GPC6: variants seen among roughly 807,000 people sequenced by gnomAD.
GPC6 encodes the protein glypican 6, also known as glypican-6.
Under a neutral mutation model 55.2 loss-of-function variants are expected in GPC6, and 14 were observed. The ratio of observed to expected loss-of-function variants is 0.25; its 90% CI spans 0.17 to 0.40. GPC6 has a LOEUF of 0.40. Ranked by LOEUF, GPC6 falls within the 10% of genes least tolerant of loss-of-function variation. GPC6 has a pLI of 1.00. For synonymous variants in GPC6, 278 were observed against 259.6 expected, an observed-to-expected ratio of 1.07 and a Z score of -0.68; for missense variants, 641 against 708.5, an observed-to-expected ratio of 0.90 and a Z score of 1.08.
At chr13:93,529,642 C>T (rs149960149) in intron 1 of GPC6, among the ~76,000 whole-genome samples, 1 of 151,142 alleles carries the variant, frequency 6.6e-6, no homozygotes, top group Non-Finnish European at 1.5e-5. Flanking sequence ...TCAGCCTCCC[C>T]AGTAGCTGGG....
At chr13:93,879,127 G>T (rs547011165) in intron 3 of GPC6, among the ~76,000 whole-genome samples, 1 of 151,968 alleles carries the variant, frequency 6.6e-6, no homozygotes, top group African/African-American at 2.4e-5. Context: ...TGATCGCATC[G>T]GCTCCTGAGG....
Position 93,687,773 on chromosome 13 carries a change from C to T in GPC6, c.319+142352C>T, listed in dbSNP as rs184493336. Among the ~76,000 whole-genome samples the T allele has an allele frequency of 4.3e-4, 56 of 130,638 alleles. No individual in the cohort carries two copies. The East Asian group carries it at 9.4e-3, about 22-fold the overall frequency. 85.7% of individuals were successfully genotyped at this position (130,638 alleles called of 152,430 possible). A position where few individuals can be genotyped will look rare whatever the true frequency, so the allele number is the denominator to read the frequency against. On this transcript the variant is annotated intron_variant, in intron 2 of 8. Transcript: ENST00000377047. ...CTATCAAGAAAGGCCAAGGCTACTA[C>T]GTATCATGAGAAGGGACTGAATGCA... is the stretch of plus-strand genomic sequence containing the variant.
chr13:93,473,659 G>A (rs1004293141), intron 1 of GPC6, among the ~76,000 whole-genome samples: 1 of 152,156 alleles, frequency 6.6e-6, no homozygotes, highest in Non-Finnish European at 1.5e-5. Flanking sequence ...TCCTCACAGG[G>A]CCCCTCTTTG....
At chr13:93,419,858 AG>A in intron 1 of GPC6, among the ~76,000 whole-genome samples, 1 of 152,290 alleles carries the variant, frequency 6.6e-6, no homozygotes, top group East Asian at 1.9e-4. Flanking sequence ...AAATACAAGC[AG>A]AATTGAAGCT....
At chr13:93,895,900 G>A (rs1442578981) in intron 3 of GPC6, among the ~76,000 whole-genome samples, 1 of 152,010 alleles carries the variant, frequency 6.6e-6, no homozygotes, top group Admixed American at 6.6e-5. Context: ...TGGAGATGGG[G>A]GAATACAGCG....
At chr13:94,347,273 G>A (rs576687945) in intron 6 of GPC6, among the ~76,000 whole-genome samples, 1 of 152,220 alleles carries the variant, frequency 6.6e-6, no homozygotes, top group South Asian at 2.1e-4. Flanking sequence ...ATGGTCTTTT[G>A]GGAGTCCTGC....
At chr13:93,744,463 G>A (rs551072656) in intron 2 of GPC6, among the ~76,000 whole-genome samples, 1 of 148,694 alleles carries the variant, frequency 6.7e-6, no homozygotes, top group South Asian at 2.1e-4. Context: ...ATTCCTACCA[G>A]GACCTTCAAC....
chr13:94,334,520 A>T (rs150750944), intron 6 of GPC6, among the ~76,000 whole-genome samples: 3 of 152,374 alleles, frequency 2.0e-5, no homozygotes, highest in African/African-American at 7.2e-5. Flanking sequence ...ATTCTGAAAC[A>T]GTGGCCTTCT....
At chr13:93,785,178 A>G (rs1017090633) in intron 2 of GPC6, among the ~76,000 whole-genome samples, 3 of 152,178 alleles carry the variant, frequency 2.0e-5, no homozygotes, top group Admixed American at 6.5e-5. Flanking sequence ...CAAATCTGGC[A>G]GCATCAGAAA....
At chr13:94,186,609 C>T (rs1391977727) in intron 4 of GPC6, among the ~76,000 whole-genome samples, 1 of 152,138 alleles carries the variant, frequency 6.6e-6, no homozygotes, top group Non-Finnish European at 1.5e-5. Context: ...AAAGAGTAGC[C>T]TACCAGCCTC....
intron 2 of GPC6, among the ~76,000 whole-genome samples, chr13:93,705,315 A>G (rs1481162192): frequency 6.6e-6 from 1 of 151,978 alleles, no homozygotes; most frequent in South Asian, 2.1e-4. Context: ...TTCCTGGTCC[A>G]TAAGAAAATA....
At chr13:93,829,646 A>G (rs1403290725) in intron 2 of GPC6, among the ~76,000 whole-genome samples, 3 of 152,188 alleles carry the variant, frequency 2.0e-5, no homozygotes, top group African/African-American at 7.2e-5. Flanking sequence ...ATTGATTGCT[A>G]TATATAGAAA....
At chr13:93,991,593 T>G (rs913816983) in intron 3 of GPC6, among the ~76,000 whole-genome samples, 1 of 152,196 alleles carries the variant, frequency 6.6e-6, no homozygotes, top group East Asian at 1.9e-4. Context: ...CCATAAAGTA[T>G]TTTTATGCCA....
chr13:94,284,333 C>T (rs548842511), intron 4 of GPC6, among the ~76,000 whole-genome samples: 10 of 152,274 alleles, frequency 6.6e-5, no homozygotes, highest in African/African-American at 1.7e-4. Flanking sequence ...TGACCTTTTA[C>T]AGTGGCCTCA....
chr13:93,742,069 G>A (rs542926833), intron 2 of GPC6, among the ~76,000 whole-genome samples: 6 of 152,124 alleles, frequency 3.9e-5, no homozygotes, highest in Non-Finnish European at 5.9e-5. Context: ...ACCCTCCATA[G>A]GTCCTTGGCT....
intron 2 of GPC6, 130 bp downstream of exon 2, chr13:93,545,551 AT>A (rs1410329072): frequency 2.5e-6 from 2 of 791,212 alleles, no homozygotes; most frequent in Non-Finnish European, 4.2e-6. Context: ...AGCATTGTCT[AT>A]TTTTAGAAAA....
chr13:93,274,833 T>C (rs9589699), intron 1 of GPC6, among the ~76,000 whole-genome samples: 18,024 of 152,254 alleles, frequency 0.12, 1,323 homozygotes, highest in East Asian at 0.37. Flanking sequence ...TAGTAATACA[T>C]CAAATTCTAA....
chr13:94,083,483 C>A (rs1885180830), intron 4 of GPC6, among the ~76,000 whole-genome samples: 1 of 152,060 alleles, frequency 6.6e-6, no homozygotes, highest in African/African-American at 2.4e-5. Flanking sequence ...ATTTTTTATT[C>A]TCTGTCCCAT....
intron 3 of GPC6, among the ~76,000 whole-genome samples, chr13:93,864,853 T>C (rs773781170): frequency 4.0e-5 from 6 of 151,696 alleles, no homozygotes; most frequent in African/African-American, 1.2e-4. Context: ...GTCCAGGCGG[T>C]AAATCCTTTG....
Sources: gnomAD v4.1 joint callset for allele counts (sites outside exome capture counted in the v4.1 genomes callset) on GRCh38, gnomAD v4.1.1 for gene constraint, MANE v1.5 for transcripts, NCBI Gene and HGNC (gene_info 2026-07-23, HGNC 2026-07-21) for gene names.